The following ADCY5 variants were observed in gnomAD, a reference collection of about 807,000 sequenced individuals.
The protein encoded by ADCY5 is adenylate cyclase 5.
A neutral mutation model predicts 119.7 loss-of-function variants in ADCY5; 30 were observed. The ratio of observed to expected loss-of-function variants is 0.25; its 90% CI spans 0.19 to 0.34. The LOEUF (loss-of-function observed/expected upper bound fraction) is 0.34, where lower values mean the gene tolerates loss of function less well. ADCY5 is among the 10% of genes least tolerant of loss of function. The pLI is 1.00. For missense variants in ADCY5, 1,324 were observed against 1,775.2 expected, an observed-to-expected ratio of 0.75 and a Z score of 4.57; for synonymous variants, 753 against 762.2, an observed-to-expected ratio of 0.99 and a Z score of 0.20.
At position 123,408,466 on chromosome 3, in the gene ADCY5, C is replaced by A. The variant is rs375605526; in HGVS notation, c.1134+38946G>T. Among the ~76,000 whole-genome samples the A allele has an allele frequency of 6.8e-5, 10 of 148,052 alleles. No homozygotes were observed. In the East Asian group the frequency reaches 1.2e-3, roughly 18 times the overall value. On this transcript the variant is annotated intron_variant, in intron 1 of 20. Coordinates refer to ENST00000462833, the MANE Select transcript of ADCY5 (RefSeq NM_183357.3). ...AGGTCAGGAGTTCGAGACCAGCCAG[C>A]CCAATATGGTGAAACCCCATCTCTA...
At chr3:123,323,475 C>G (rs1576572956) in intron 8 of ADCY5, among the ~76,000 whole-genome samples, 1 of 152,026 alleles carries the variant, frequency 6.6e-6, no homozygotes, top group East Asian at 1.9e-4. Context: ...CCACCAGGCC[C>G]TGCCTCCCTG....
rs1945863668 is a variant in ADCY5, at chr3:123,448,171, C to T, written c.375G>A (p.Gly125=). 3 of 1,151,194 alleles carry T rather than the reference C, an allele frequency of 2.6e-6. No individual in the cohort carries two copies. Among genetic ancestry groups the T allele is most frequent in the African/African-American group, 1.6e-5 (1 of 61,030 alleles). The allele number at this position is 1,151,194 out of a possible 1,614,324, so 71.3% of individuals were successfully genotyped here. ...SRRQRRGAAS[G]GSTRAPPAGG... ...CCGCAGGGGGCGCCCGGGTGCTGCC[C>T]CCGCTGGCCGCGCCCCGCCGCTGCC... is the stretch of plus-strand genomic sequence containing the variant. Residue 125 remains glycine (G), a synonymous_variant, in exon 1 of 21, where the codon GGG becomes GGA. Transcript: ENST00000462833.
At chr3:123,363,143 GAAAAAAAAAAA>G (rs58854772) in intron 1 of ADCY5, among the ~76,000 whole-genome samples, 1 of 50,090 alleles carries the variant, frequency 2.0e-5, no homozygotes, top group African/African-American at 6.1e-5. Context: ...ATTCCTTCTT[GAAAAAAAAAAA>G]AAAAAAAAGG....
At chr3:123,324,404 CCACACACACACACACACACACACA>C (rs10522987) in intron 8 of ADCY5, among the ~76,000 whole-genome samples, 4,294 of 109,706 alleles carry the variant, frequency 0.039, 219 homozygotes, top group South Asian at 0.2. Context: ...CACACAGAAA[CCACACACACACACACACACACACA>C]CACACACACA....
chr3:123,378,946 C>G (rs1943934563), intron 1 of ADCY5, among the ~76,000 whole-genome samples: 1 of 152,178 alleles, frequency 6.6e-6, no homozygotes, highest in African/African-American at 2.4e-5. Context: ...GAGAATGTCA[C>G]CTAGAGCCCC....
chr3:123,404,045 A>G (rs1227829961), intron 1 of ADCY5, among the ~76,000 whole-genome samples: 1 of 152,236 alleles, frequency 6.6e-6, no homozygotes, highest in African/African-American at 2.4e-5. Flanking sequence ...ACAAGAAAGG[A>G]GTAAGACCCA....
intron 13 of ADCY5, 119 bp downstream of exon 13, chr3:123,303,948 C>T (rs563196898): frequency 2.5e-5 from 18 of 710,776 alleles, no homozygotes; most frequent in African/African-American, 8.8e-5. Flanking sequence ...GACCCAGGTG[C>T]GAAACAAATA....
rs1323580093 is a variant in ADCY5, at chr3:123,447,447, G to A, written c.1099C>T (p.Arg367Cys). 32 of 1,604,814 alleles carry A rather than the reference G, an allele frequency of 2.0e-5. No individual in the cohort carries two copies. The Middle Eastern group carries it at 6.6e-4, about 33-fold the overall frequency. ...AGGAACTGGTCCTGGGCGTTGGTGCGCAGGGCGATGGCCAGGTGGAGGGCG... is the reference window on the plus strand; with the variant it reads ...AGGAACTGGTCCTGGGCGTTGGTGCACAGGGCGATGGCCAGGTGGAGGGCG... ...LSALHLAIAL[R>C]TNAQDQFLLK... Residue 367 changes from arginine to cysteine, a missense_variant, in exon 1 of 21, where the codon CGC becomes TGC. Physicochemically the swap from Arg to Cys is radical, Grantham distance 180. Around this residue, in one of 6 missense-constraint regions of ADCY5, gnomAD observed 585 missense variants for 569.9 expected, o/e 1.03. Transcript: ENST00000462833.
Position 123,286,655 on chromosome 3 carries a change from G to A in ADCY5, c.3657+30C>T. The stretch of plus-strand genomic sequence containing the variant: ...TGTCAGACACAGGACCTCCCATGGG[G>A]TGAGGGGTGGTGGATGCTCCTGCAC... On this transcript the variant is annotated intron_variant, in intron 20 of 20. Transcript: ENST00000462833. This position sits in a 1 kb window ranked among gnomAD's most constrained non-coding sequence, Gnocchi z 4.2. 6.3e-7 allele frequency: 1 copy of A among 1,582,462 alleles called. No individual in the cohort carries two copies. The highest frequency in any genetic ancestry group is 1.2e-5 in the South Asian group (1 of 85,540).
chr3:123,447,769 G>A lies in ADCY5; in HGVS notation c.777C>T (p.Phe259=), dbSNP rs1224642049. 6.2e-7 allele frequency: 1 copy of A among 1,608,940 alleles called. No individual in the cohort carries two copies. Among genetic ancestry groups the A allele is most frequent in the Non-Finnish European group, 8.5e-7 (1 of 1,177,176 alleles). Residue 259 remains phenylalanine (F), a synonymous_variant, in exon 1 of 21, where the codon TTC becomes TTT. Coordinates refer to ENST00000462833, the MANE Select transcript of ADCY5 (RefSeq NM_183357.3). ...LVLVCLVMLA[F]HAARPPLQLP... is the part of the protein sequence containing the mutation. ...GCTGGAGCGGGGGCCGCGCCGCGTG[G>A]AAGGCCAACATGACCAGGCACACGA...
intron 1 of ADCY5, among the ~76,000 whole-genome samples, chr3:123,374,114 C>A (rs535287524): frequency 6.6e-6 from 1 of 152,184 alleles, no homozygotes; most frequent in African/African-American, 2.4e-5. Context: ...CCTCTGTCGG[C>A]CAAAGAGGTC....
At chr3:123,389,065 G>A (rs985014417) in intron 1 of ADCY5, among the ~76,000 whole-genome samples, 2 of 152,154 alleles carry the variant, frequency 1.3e-5, no homozygotes, top group African/African-American at 4.8e-5. Context: ...AAGAATGGAG[G>A]CCAGGTCAAA....
chr3:123,323,439 G>C (rs1452419947), intron 8 of ADCY5, among the ~76,000 whole-genome samples: 1 of 151,994 alleles, frequency 6.6e-6, no homozygotes, highest in Non-Finnish European at 1.5e-5. Context: ...AACTTTCCAA[G>C]GATTCTGAAC....
At chr3:123,320,949 G>A (rs1941190919) in intron 8 of ADCY5, among the ~76,000 whole-genome samples, 178 bp from the exon 9 acceptor site, 1 of 152,130 alleles carries the variant, frequency 6.6e-6, no homozygotes, top group Admixed American at 6.5e-5. Flanking sequence ...AATACAGCTG[G>A]GTTCTCCCTA....
At chr3:123,368,997 T>C (rs1434753820) in intron 1 of ADCY5, among the ~76,000 whole-genome samples, 5 of 152,168 alleles carry the variant, frequency 3.3e-5, no homozygotes, top group Non-Finnish European at 7.3e-5. Context: ...AGGTGGGAGA[T>C]GGGCTACAGG....
At chr3:123,327,911 T>G in intron 6 of ADCY5, 152 bp from the exon 7 acceptor site, 1 of 911,544 alleles carries the variant, frequency 1.1e-6, no homozygotes, top group South Asian at 1.7e-5. Flanking sequence ...CAACCTTGCA[T>G]GGTACCCTCC....
intron 12 of ADCY5, among the ~76,000 whole-genome samples, chr3:123,313,772 T>C (rs527765810): frequency 6.6e-6 from 1 of 152,300 alleles, no homozygotes; most frequent in Admixed American, 6.5e-5. Context: ...CTCATCTATG[T>C]GCTGGGTGGC....
intron 16 of ADCY5, among the ~76,000 whole-genome samples, chr3:123,296,675 AC>A (rs1361375712): frequency 2.6e-5 from 4 of 151,972 alleles, no homozygotes; most frequent in African/African-American, 9.7e-5. Context: ...GCTTATCTGT[AC>A]AACAGGATAA....
chr3:123,324,462 A>T (rs1294424914), intron 8 of ADCY5, among the ~76,000 whole-genome samples: 2 of 83,452 alleles, frequency 2.4e-5, no homozygotes, highest in African/African-American at 5.5e-5. Context: ...ACACACACAC[A>T]CACACACAGT....
Sources: allele counts gnomAD v4.1 joint callset (sites outside exome capture counted in the v4.1 genomes callset), GRCh38; gene constraint gnomAD v4.1.1; regional missense constraint gnomAD v4.1.1; non-coding constraint Gnocchi (gnomAD v3.1); transcripts MANE v1.5; gene names NCBI Gene and HGNC (gene_info 2026-07-23, HGNC 2026-07-21).